SPOCK3: variants seen among roughly 807,000 people sequenced by gnomAD.
SPOCK3 encodes testican-3.
A neutral mutation model predicts 56.6 loss-of-function variants in SPOCK3; 30 were observed. The observed-to-expected ratio is 0.53, with a 90% CI of 0.40 to 0.72. The LOEUF is 0.72. Among genes scored for constraint, SPOCK3 ranks in the 30% least tolerant of loss-of-function variants. SPOCK3 has a pLI of 0.00. For synonymous variants in SPOCK3, 196 were observed against 183.3 expected (o/e 1.07, Z -0.56); for missense variants, 527 against 530.0 (o/e 0.99, Z 0.06).
At chr4:167,096,549 A>G (rs1759169950) in intron 2 of SPOCK3, among the ~76,000 whole-genome samples, 1 of 151,658 alleles carries the variant, frequency 6.6e-6, no homozygotes, top group Non-Finnish European at 1.5e-5. Flanking sequence ...TAGTCCCTCA[A>G]TATTTGGGGA....
At chr4:167,142,699 A>G (rs1424361252) in intron 2 of SPOCK3, among the ~76,000 whole-genome samples, 1 of 152,022 alleles carries the variant, frequency 6.6e-6, no homozygotes, top group African/African-American at 2.4e-5. Flanking sequence ...AAAGGAGATT[A>G]AGCCGATGAA....
chr4:166,913,835 G>A lies in SPOCK3; in HGVS notation c.351-1092C>T, dbSNP rs117076623. Among the ~76,000 whole-genome samples the A allele has an allele frequency of 4.0e-4, 61 of 151,714 alleles. No individual in the cohort carries two copies. In the East Asian group the frequency reaches 9.7e-3, roughly 24 times the overall value. On this transcript the variant is annotated intron_variant, in intron 4 of 10. Transcript: ENST00000357545. The stretch of plus-strand genomic sequence containing the variant: ...TGAAGCCTATCATAGTTCCAAATAC[G>A]TTCTCTTTATTTCAGTTTTGTACAT...
chr4:167,109,035 T>C (rs1418742025), intron 2 of SPOCK3, among the ~76,000 whole-genome samples: 1 of 57,594 alleles, frequency 1.7e-5, no homozygotes, highest in Non-Finnish European at 2.8e-5. Context: ...TATATATAAA[T>C]ATATACTTAT....
At position 166,740,022 on chromosome 4, in the gene SPOCK3, A is replaced by G. The variant is rs535055947; in HGVS notation, c.994+1975T>C. 5.3e-5 allele frequency among the ~76,000 whole-genome samples: 8 copies of G among 152,300 alleles called. No homozygotes were observed. The South Asian group carries it at 1.7e-3, about 32-fold the overall frequency. On this transcript the variant is annotated intron_variant, in intron 9 of 10. Transcript: ENST00000357545. ...CACATCTACAGCTTTTACAACTACC[A>G]TTTGAATTTGACATAAACATGTTAT...
chr4:167,232,082 C>T (rs1286331110), intron 2 of SPOCK3, among the ~76,000 whole-genome samples: 1 of 152,000 alleles, frequency 6.6e-6, no homozygotes, highest in Non-Finnish European at 1.5e-5. Context: ...ATCTCCATCT[C>T]TATAGAAATT....
At chr4:167,178,096 T>C (rs1561295414) in intron 2 of SPOCK3, among the ~76,000 whole-genome samples, 1 of 152,142 alleles carries the variant, frequency 6.6e-6, no homozygotes, top group East Asian at 1.9e-4. Context: ...TTGTGCTGTA[T>C]TATCAGCAGC....
intron 2 of SPOCK3, among the ~76,000 whole-genome samples, chr4:167,064,999 ACTC>A (rs1237573338): frequency 8.0e-6 from 1 of 124,402 alleles, no homozygotes; most frequent in African/African-American, 3.1e-5. Context: ...ACAGCCATAA[ACTC>A]CTCCTCCTCC....
At chr4:166,922,859 G>T (rs1433179372) in intron 4 of SPOCK3, among the ~76,000 whole-genome samples, 9 of 152,232 alleles carry the variant, frequency 5.9e-5, no homozygotes, top group African/African-American at 1.9e-4. Context: ...TCTGACCTCT[G>T]TGCAATTTGC....
intron 6 of SPOCK3, among the ~76,000 whole-genome samples, chr4:166,864,993 C>T (rs550592329): frequency 1.3e-5 from 2 of 152,104 alleles, no homozygotes; most frequent in African/African-American, 4.8e-5. Flanking sequence ...AAGAAAATTC[C>T]AGGCCAATAT....
At chr4:166,804,272 G>GT (rs1259163649) in intron 6 of SPOCK3, among the ~76,000 whole-genome samples, 3 of 152,106 alleles carry the variant, frequency 2.0e-5, no homozygotes, top group African/African-American at 7.2e-5. Context: ...CAAGACCAAG[G>GT]TGTCAGCAGG....
rs114406584 is a variant in SPOCK3, at chr4:167,178,540, A to G, written c.189+55445T>C. Among the ~76,000 whole-genome samples, 453 of 152,284 alleles carry G rather than the reference A, an allele frequency of 3.0e-3. 4 individuals are homozygous for G. Among genetic ancestry groups the G allele is most frequent in the African/African-American group, 0.01 (423 of 41,562 alleles). ...ACCTCCTTCCTAACATTTTATGTTA[A>G]CAATTGGAATACGTTTGTAATATAT... On this transcript the variant is annotated intron_variant, in intron 2 of 10. Coordinates refer to ENST00000357545, the MANE Select transcript of SPOCK3 (RefSeq NM_001040159.2).
At chr4:166,854,019 A>G (rs1207383843) in intron 6 of SPOCK3, among the ~76,000 whole-genome samples, 1 of 152,188 alleles carries the variant, frequency 6.6e-6, no homozygotes, top group Non-Finnish European at 1.5e-5. Context: ...AGCAATATGA[A>G]ATTTCTGATA....
intron 2 of SPOCK3, among the ~76,000 whole-genome samples, chr4:167,146,719 A>T (rs1263982658): frequency 6.6e-6 from 1 of 152,160 alleles, no homozygotes; most frequent in Non-Finnish European, 1.5e-5. Flanking sequence ...CTACTGGGTA[A>T]ATAATGAAAT....
At chr4:167,222,182 G>T (rs1449034372) in intron 2 of SPOCK3, among the ~76,000 whole-genome samples, 7 of 151,984 alleles carry the variant, frequency 4.6e-5, no homozygotes, top group African/African-American at 1.4e-4. Flanking sequence ...AGGATGTTAT[G>T]CTAACAAAAG....
At chr4:166,855,040 A>G (rs1730510393) in intron 6 of SPOCK3, among the ~76,000 whole-genome samples, 1 of 152,138 alleles carries the variant, frequency 6.6e-6, no homozygotes, top group Non-Finnish European at 1.5e-5. Flanking sequence ...AAGATCCACA[A>G]CCATCCCTGC....
In SPOCK3 at chr4:166,794,760, A is replaced by G. The variant is rs911821167; in HGVS notation, c.590-2471T>C. On this transcript the variant is annotated intron_variant, in intron 6 of 10. Coordinates refer to ENST00000357545, the MANE Select transcript of SPOCK3 (RefSeq NM_001040159.2). ...CGGGTTCAAGAGATTCTCCTGCCTC[A>G]GTCTCCTGAGTAGCTGGGATTACAA... is the stretch of plus-strand genomic sequence containing the variant. 2.0e-5 allele frequency among the ~76,000 whole-genome samples: 3 copies of G among 150,160 alleles called. No homozygotes were observed. In the Admixed American group the frequency reaches 2.0e-4, roughly 10 times the overall value.
At chr4:166,968,354 T>G (rs1238223414) in intron 4 of SPOCK3, among the ~76,000 whole-genome samples, 1 of 152,182 alleles carries the variant, frequency 6.6e-6, no homozygotes, top group Middle Eastern at 3.2e-3. Context: ...TCCAGGGCAT[T>G]GCAGAGACCT....
At chr4:166,969,112 C>A (rs1358259680) in intron 4 of SPOCK3, among the ~76,000 whole-genome samples, 1 of 152,136 alleles carries the variant, frequency 6.6e-6, no homozygotes, top group Non-Finnish European at 1.5e-5. Context: ...GAGTAATTAC[C>A]AAATGCCTGT....
chr4:166,754,097 C>T, intron 8 of SPOCK3: 1 of 968,822 alleles, frequency 1.0e-6, no homozygotes. Context: ...TCATTCAACT[C>T]ATTTAATAAG....
Sources: allele counts gnomAD v4.1 joint callset (sites outside exome capture counted in the v4.1 genomes callset), GRCh38; gene constraint gnomAD v4.1.1; transcripts MANE v1.5; gene names NCBI Gene and HGNC (gene_info 2026-07-23, HGNC 2026-07-21).